NCAM1: variants seen among roughly 807,000 people sequenced by gnomAD.
NCAM1 encodes the protein antigen recognized by monoclonal antibody 5.1H11.
Under a neutral mutation model 109.8 loss-of-function variants are expected in NCAM1, and 14 were observed. The ratio of observed to expected loss-of-function variants is 0.13; its 90% CI spans 0.08 to 0.20. The LOEUF (loss-of-function observed/expected upper bound fraction) is 0.20. Ranked by LOEUF, NCAM1 falls within the 10% of genes least tolerant of loss-of-function variation. The probability of loss-of-function intolerance (pLI) is 1.00; values close to 1 mark genes in which losing one functional copy is unlikely to be tolerated. For synonymous variants in NCAM1, 418 were observed against 442.9 expected, an observed-to-expected ratio of 0.94 and a Z score of 0.70; for missense variants, 774 against 1,109.9, an observed-to-expected ratio of 0.70 and a Z score of 4.30.
chr11:112,986,487 A>G (rs1951308733), intron 1 of NCAM1, among the ~76,000 whole-genome samples: 1 of 152,054 alleles, frequency 6.6e-6, no homozygotes, highest in Non-Finnish European at 1.5e-5. Context: ...AAGAATTGGT[A>G]TTAATGCTTA....
intron 1 of NCAM1, among the ~76,000 whole-genome samples, chr11:113,034,180 CTCTG>C (rs1443133237): frequency 3.3e-5 from 5 of 152,148 alleles, no homozygotes; most frequent in African/African-American, 1.2e-4. Flanking sequence ...CAGTTTCTTT[CTCTG>C]TCTGTTGTCC....
chr11:113,253,684 G>A (rs1945757722), intron 15 of NCAM1, among the ~76,000 whole-genome samples: 2 of 152,152 alleles, frequency 1.3e-5, no homozygotes, highest in African/African-American at 2.4e-5. Flanking sequence ...CCCTAAAAGG[G>A]GGCCTTGGGA....
chr11:112,979,387 T>C (rs1310725520), intron 1 of NCAM1, among the ~76,000 whole-genome samples: 2 of 151,852 alleles, frequency 1.3e-5, no homozygotes, highest in Non-Finnish European at 2.9e-5. Context: ...TAGTTATAAA[T>C]CAAATTGTCT....
At chr11:113,255,747 T>C in intron 15 of NCAM1, 130 bp from the exon 16 acceptor site, 1 of 1,080,898 alleles carries the variant, frequency 9.3e-7, no homozygotes. Context: ...ATTTATTGCT[T>C]TTTAACCATT....
At chr11:113,043,174 G>A (rs1197272411) in intron 1 of NCAM1, among the ~76,000 whole-genome samples, 1 of 151,908 alleles carries the variant, frequency 6.6e-6, no homozygotes, top group Non-Finnish European at 1.5e-5. Context: ...GATCAGGGAG[G>A]GGGGCTGTAT....
chr11:113,198,322 G>A (rs1943918032), intron 1 of NCAM1, among the ~76,000 whole-genome samples: 1 of 151,978 alleles, frequency 6.6e-6, no homozygotes, highest in South Asian at 2.1e-4. Context: ...GAGCAAAGAG[G>A]CCAGTTATAG....
chr11:113,021,187 T>A (rs1952374463), intron 1 of NCAM1, among the ~76,000 whole-genome samples: 1 of 152,234 alleles, frequency 6.6e-6, no homozygotes, highest in South Asian at 2.1e-4. Flanking sequence ...GTATGCTAAG[T>A]GCTTTCGTCA....
At chr11:113,202,518 G>A (rs1469472225) in intron 2 of NCAM1, 65 bp downstream of exon 2, 6 of 1,428,138 alleles carry the variant, frequency 4.2e-6, no homozygotes, top group Non-Finnish European at 4.8e-6. Context: ...TAGAGCAGGA[G>A]CCCTCAGGCC....
chr11:113,092,964 T>C (rs1382316856), intron 1 of NCAM1, among the ~76,000 whole-genome samples: 1 of 152,168 alleles, frequency 6.6e-6, no homozygotes, highest in Non-Finnish European at 1.5e-5. Context: ...AAGAAAATAA[T>C]GGTAGGCCTA....
chr11:113,060,697 T>C (rs1953885427), intron 1 of NCAM1, among the ~76,000 whole-genome samples: 1 of 152,230 alleles, frequency 6.6e-6, no homozygotes, highest in Admixed American at 6.5e-5. Flanking sequence ...TTGCAGATTT[T>C]ATTTTTAAAA....
intron 1 of NCAM1, among the ~76,000 whole-genome samples, chr11:113,016,573 A>G (rs782168369): frequency 8.5e-5 from 13 of 152,192 alleles, no homozygotes; most frequent in Non-Finnish European, 1.2e-4. Context: ...CAGGAGGGAA[A>G]GAGACACTTG....
In NCAM1 at chr11:113,231,774, T is replaced by C; in HGVS notation, c.1219T>C (p.Ser407Pro). 6.2e-7 allele frequency: 1 copy of C among 1,613,830 alleles called. No individual in the cohort carries two copies. The highest frequency in any genetic ancestry group is 1.1e-5 in the South Asian group (1 of 91,072). ...CAACACCATCGGCCAGGACTCCCAG[T>C]CCATGTACCTTGAAGTGCAATGTAA... ...ASNTIGQDSQ[S>P]MYLEVQYAPK... Residue 407 changes from serine to proline, a missense_variant, in exon 10 of 20, where the codon TCC becomes CCC. Ser to Pro is a moderately conservative substitution (Grantham distance 74). Coordinates refer to ENST00000316851, the MANE Select transcript of NCAM1 (RefSeq NM_181351.5).
At chr11:113,253,417 T>C (rs1428821206) in intron 15 of NCAM1, among the ~76,000 whole-genome samples, 1 of 152,106 alleles carries the variant, frequency 6.6e-6, no homozygotes, top group Non-Finnish European at 1.5e-5. Context: ...CCAGGTGTAG[T>C]TGGTAGTCCG....
At chr11:113,046,857 GAAGA>G (rs782720577) in intron 1 of NCAM1, among the ~76,000 whole-genome samples, 41 of 139,500 alleles carry the variant, frequency 2.9e-4, no homozygotes, top group Non-Finnish European at 4.4e-4. Flanking sequence ...TGGACAGACA[GAAGA>G]AAGAAAGGAA....
At chr11:113,114,121 T>C (rs1298498604) in intron 1 of NCAM1, among the ~76,000 whole-genome samples, 1 of 152,204 alleles carries the variant, frequency 6.6e-6, no homozygotes, top group East Asian at 1.9e-4. Context: ...GATTTGATGG[T>C]GGTTTTGTGG....
intron 1 of NCAM1, among the ~76,000 whole-genome samples, chr11:113,102,267 A>T (rs1555091676): frequency 1.3e-5 from 2 of 152,214 alleles, no homozygotes; most frequent in Non-Finnish European, 2.9e-5. Context: ...TACAGAAAAA[A>T]ATGGAGGTTA....
chr11:113,058,826 C>A (rs1555083023), intron 1 of NCAM1, among the ~76,000 whole-genome samples: 2 of 152,200 alleles, frequency 1.3e-5, no homozygotes, highest in East Asian at 3.9e-4. Context: ...CCTGAAGCCA[C>A]TGGGAGCACG....
chr11:113,051,174 A>T (rs1953472789), intron 1 of NCAM1, among the ~76,000 whole-genome samples: 1 of 152,232 alleles, frequency 6.6e-6, no homozygotes. Flanking sequence ...AGCTTCAGTG[A>T]CCCAGAAAAG....
intron 1 of NCAM1, among the ~76,000 whole-genome samples, chr11:112,985,855 A>T (rs1219245648): frequency 6.6e-6 from 1 of 151,964 alleles, no homozygotes; most frequent in Non-Finnish European, 1.5e-5. Context: ...GCAAATAGTA[A>T]CAGTTTAACT....
Sources: allele counts gnomAD v4.1 joint callset (sites outside exome capture counted in the v4.1 genomes callset), GRCh38; gene constraint gnomAD v4.1.1; transcripts MANE v1.5; gene names NCBI Gene and HGNC (gene_info 2026-07-23, HGNC 2026-07-21).